The following TOR1AIP1 variants were observed in gnomAD, a reference collection of about 807,000 sequenced individuals.
The protein encoded by TOR1AIP1 is torsin 1A interacting protein 1, also known as torsin-1A-interacting protein 1.
Under a neutral mutation model 63.3 loss-of-function variants are expected in TOR1AIP1, and 54 were observed. The observed-to-expected ratio is 0.85, with a 90% CI of 0.69 to 1.07. TOR1AIP1 has a LOEUF of 1.07. TOR1AIP1 is among the 50% of genes least tolerant of loss of function. TOR1AIP1 has a pLI of 0.00. For synonymous variants in TOR1AIP1, 294 were observed against 273.5 expected (o/e 1.07, Z -0.74); for missense variants, 736 against 715.0 (o/e 1.03, Z -0.33).
chr1:179,883,148 G>A, intron 1 of TOR1AIP1, 171 bp downstream of exon 1: 1 of 666,200 alleles, frequency 1.5e-6, no homozygotes, highest in Non-Finnish European at 2.5e-6. Context: ...ACCCTGACCC[G>A]CAGCGGGGAA....
At chr1:179,912,066 C>T (rs1170769350) in intron 8 of TOR1AIP1, among the ~76,000 whole-genome samples, 1 of 138,792 alleles carries the variant, frequency 7.2e-6, no homozygotes, top group Admixed American at 8.4e-5. Context: ...GCTCTGTTGC[C>T]TAGGCTGGAG....
intron 6 of TOR1AIP1, among the ~76,000 whole-genome samples, chr1:179,905,323 G>A (rs1161453888): frequency 6.6e-6 from 1 of 152,160 alleles, no homozygotes; most frequent in African/African-American, 2.4e-5. Flanking sequence ...GGAGCTTGCC[G>A]TGAGCCGAGA....
At position 179,907,830 on chromosome 1, in the gene TOR1AIP1, C is replaced by T; in HGVS notation, c.804C>T (p.Asn268=). Reference sequence around the variant, plus strand: ...CCCTGTTTTCTGTTTCAGGTCAAAACTTCACAGCTCATGATAAGCAACCTT... The same window carrying T: ...CCCTGTTTTCTGTTTCAGGTCAAAATTTCACAGCTCATGATAAGCAACCTT... ...ESFWQSSQSQ[N]FTAHDKQPSV... The change falls in exon 7 of 10, where the codon AAC becomes AAT. Residue 268 remains asparagine (N), a synonymous_variant. Coordinates refer to ENST00000606911, the MANE Select transcript of TOR1AIP1 (RefSeq NM_015602.4). The T allele has an allele frequency of 6.3e-7, 1 of 1,580,210 alleles. No homozygotes were observed. Among genetic ancestry groups the T allele is most frequent in the Non-Finnish European group, 8.6e-7 (1 of 1,162,170 alleles).
In TOR1AIP1 at chr1:179,901,304, G is replaced by T; in HGVS notation, c.655G>T (p.Glu219Ter). The stretch of plus-strand genomic sequence containing the variant: ...GTATATTGTTTACTTCTCTTTAGGA[G>T]AAACTGAAGAAGATGATCAAGACAG... ...QQKVNFSEEG[E>*]TEEDDQDSSH... Residue 219 changes from glutamate to a stop codon, truncating the protein, a stop_gained and splice_region_variant, in exon 5 of 10, where the codon GAA (glutamate) becomes TAA (stop). Coordinates refer to ENST00000606911, the MANE Select transcript of TOR1AIP1 (RefSeq NM_015602.4). LOFTEE classifies it high-confidence loss of function. 1 of 1,607,702 alleles carries T rather than the reference G, an allele frequency of 6.2e-7. No individual in the cohort carries two copies. The highest frequency in any genetic ancestry group is 1.1e-5 in the South Asian group (1 of 90,362).
intron 9 of TOR1AIP1, 120 bp from the exon 10 acceptor site, chr1:179,917,332 T>C: frequency 1.2e-6 from 1 of 852,108 alleles, no homozygotes; most frequent in Non-Finnish European, 1.8e-6. Context: ...AGCTTTCTTC[T>C]TTAAAGTCCT....
chr1:179,886,358 C>T (rs1366326798), intron 2 of TOR1AIP1, among the ~76,000 whole-genome samples: 2 of 152,068 alleles, frequency 1.3e-5, no homozygotes, highest in African/African-American at 4.8e-5. Flanking sequence ...TTATATTAGG[C>T]TCATATTTAA....
Position 179,917,903 on chromosome 1 carries a change from C to A in TOR1AIP1, c.1416C>A (p.Gly472=), listed in dbSNP as rs1649072423. 1.2e-6 allele frequency: 2 copies of A among 1,614,138 alleles called. No individual in the cohort carries two copies. The highest frequency in any genetic ancestry group is 2.7e-5 in the African/African-American group (2 of 75,028). The change falls in exon 10 of 10, where the codon GGC becomes GGA. Residue 472 remains glycine (G), a synonymous_variant. Transcript: ENST00000606911. ...DQELSNGFKN[G]QNAAVVHRFE... ...AACTGAGCAATGGATTTAAGAATGG[C>A]CAGAATGCAGCTGTGGTACACCGCT...
chr1:179,891,335 C>A (rs1648072004), intron 3 of TOR1AIP1, among the ~76,000 whole-genome samples: 1 of 152,052 alleles, frequency 6.6e-6, no homozygotes, highest in Non-Finnish European at 1.5e-5. Context: ...AATTCTCCTG[C>A]CTCAGCCTCC....
At position 179,882,621 on chromosome 1, in the gene TOR1AIP1, G is replaced by C. The variant is rs768257163; in HGVS notation, c.119G>C (p.Ser40Thr). ...CTCGCCCCTCAAAATGGCGGCAGCA[G>C]CGATGCGCCTGCGTACAGAACTCCT... is the stretch of plus-strand genomic sequence containing the variant. Reference protein sequence around the residue: ...GRLAPQNGGSSDAPAYRTPPS... With the variant: ...GRLAPQNGGSTDAPAYRTPPS... Residue 40 changes from serine to threonine, a missense_variant, in exon 1 of 10, where the codon AGC becomes ACC. Around this residue, in one of 2 missense-constraint regions of TOR1AIP1, gnomAD observed 464 missense variants for 371.0 expected, o/e 1.25. Coordinates refer to ENST00000606911, the MANE Select transcript of TOR1AIP1 (RefSeq NM_015602.4). 145 of 1,531,918 alleles carry C rather than the reference G, an allele frequency of 9.5e-5. No homozygotes were observed. Among genetic ancestry groups the C allele is most frequent in the Non-Finnish European group, 1.2e-4 (139 of 1,142,438 alleles). 94.9% of individuals were successfully genotyped at this position (1,531,918 alleles called of 1,614,324 possible).
At chr1:179,916,722 G>A (rs79346291) in intron 9 of TOR1AIP1, among the ~76,000 whole-genome samples, 1 of 8,016 alleles carries the variant, frequency 1.2e-4, no homozygotes, top group Admixed American at 1.1e-3. Flanking sequence ...TTTTTTTTTT[G>A]AGATGGAATC....
intron 3 of TOR1AIP1, among the ~76,000 whole-genome samples, chr1:179,892,695 G>A (rs910055506): frequency 2.0e-5 from 3 of 147,148 alleles, no homozygotes; most frequent in South Asian, 2.1e-4. Context: ...CCAGGATTGC[G>A]CCACTGCACT....
intron 3 of TOR1AIP1, among the ~76,000 whole-genome samples, chr1:179,898,866 G>A (rs572752460): frequency 1.5e-4 from 23 of 151,690 alleles, no homozygotes; most frequent in Non-Finnish European, 2.9e-4. Context: ...CTCTTTAAGA[G>A]TAACATGGTG....
At chr1:179,900,361 A>C (rs1439424025) in intron 4 of TOR1AIP1, 194 bp downstream of exon 4, 1 of 395,258 alleles carries the variant, frequency 2.5e-6, no homozygotes, top group East Asian at 4.6e-5. Flanking sequence ...GTAGTGCACT[A>C]TGCCGATCAG....
At chr1:179,893,109 G>A (rs1275995027) in intron 3 of TOR1AIP1, among the ~76,000 whole-genome samples, 1 of 151,982 alleles carries the variant, frequency 6.6e-6, no homozygotes, top group Non-Finnish European at 1.5e-5. Context: ...GGGCATGGTG[G>A]TGGGCACCTG....
chr1:179,901,950 T>C (rs559047860), intron 5 of TOR1AIP1, among the ~76,000 whole-genome samples: 2 of 151,554 alleles, frequency 1.3e-5, no homozygotes, highest in South Asian at 4.2e-4. Flanking sequence ...CTGTAAATAA[T>C]GAGTAATTTT....
exon 10 of TOR1AIP1, chr1:179,920,071 ACT>A (rs1478822828): frequency 6.6e-6 from 1 of 152,120 alleles, no homozygotes; most frequent in Non-Finnish European, 1.5e-5. Context: ...CTTGGTTTAT[ACT>A]CTCTATGTGT....
Position 179,917,355 on chromosome 1 carries a change from T to C in TOR1AIP1, c.965-97T>C, listed in dbSNP as rs574420408. 8.5e-5 allele frequency: 86 copies of C among 1,007,548 alleles called. No homozygotes were observed. In the Middle Eastern group the frequency reaches 3.7e-3, roughly 43 times the overall value. The allele number at this position is 1,007,548 out of a possible 1,614,324, so 62.4% of individuals were successfully genotyped here. On this transcript the variant is annotated intron_variant, in intron 9 of 9. Coordinates refer to ENST00000606911, the MANE Select transcript of TOR1AIP1 (RefSeq NM_015602.4). ...TCTTTAAAGTCCTTCCTCTTTTACC[T>C]AATGTTTATAAAGACTGATATTGAT...
At chr1:179,909,367 A>G (rs1648755454) in intron 8 of TOR1AIP1, among the ~76,000 whole-genome samples, 1 of 148,256 alleles carries the variant, frequency 6.7e-6, no homozygotes, top group Non-Finnish European at 1.5e-5. Flanking sequence ...TTTCATGTTT[A>G]GGGTTTTTTT....
chr1:179,886,296 A>G (rs1013013636), intron 2 of TOR1AIP1, among the ~76,000 whole-genome samples: 3 of 152,196 alleles, frequency 2.0e-5, no homozygotes, highest in African/African-American at 7.2e-5. Context: ...TAGCCTCCGG[A>G]CCATTATAAA....
Sources: allele counts gnomAD v4.1 joint callset (sites outside exome capture counted in the v4.1 genomes callset), GRCh38; gene constraint gnomAD v4.1.1; regional missense constraint gnomAD v4.1.1; transcripts MANE v1.5; gene names NCBI Gene and HGNC (gene_info 2026-07-23, HGNC 2026-07-21).